The following SNAPC5 variants were observed in gnomAD, a reference collection of about 807,000 sequenced individuals.
SNAPC5 encodes the protein small nuclear RNA activating complex polypeptide 5.
SNAPC5 carries 12 observed loss-of-function variants against 9.1 expected under a neutral mutation model. That is an observed-to-expected ratio of 1.32 (90% confidence interval 0.85 to 2.15). The LOEUF is 2.15. Ranked by LOEUF, SNAPC5 falls within the 30% of genes most tolerant of loss-of-function variation. The pLI, the probability that SNAPC5 is intolerant of heterozygous loss-of-function variation, is 0.00. For synonymous variants in SNAPC5, 52 were observed against 47.3 expected, an observed-to-expected ratio of 1.10 and a Z score of -0.41; for missense variants, 132 against 114.4, an observed-to-expected ratio of 1.15 and a Z score of -0.70.
downstream of SNAPC5, chr15:66,490,560 G>A: frequency 6.2e-7 from 1 of 1,614,196 alleles, no homozygotes; most frequent in Non-Finnish European, 8.5e-7. Context: ...GGTTGGCTCT[G>A]CTCCACCATC....
Position 66,495,325 on chromosome 15 carries a change from C to A in SNAPC5, c.180+5G>T. ...TCTCCTAGGCCTGCACTTGATTAAG[C>A]TTACATCATGTGACTGTTCAGGTAC... On this transcript the variant is annotated splice_donor_5th_base_variant and intron_variant, in intron 2 of 2. Transcript: ENST00000316634. 1 of 1,542,182 alleles carries A rather than the reference C, an allele frequency of 6.5e-7. No homozygotes were observed. The highest frequency in any genetic ancestry group is 9.0e-7 in the Non-Finnish European group (1 of 1,114,140).
Position 66,494,395 on chromosome 15 carries a change from A to G in SNAPC5, c.*41T>C, listed in dbSNP as rs1426722686. The G allele has an allele frequency of 2.9e-6, 4 of 1,361,338 alleles. No homozygotes were observed. Among genetic ancestry groups the G allele is most frequent in the South Asian group, 1.2e-5 (1 of 85,670 alleles). The allele number at this position is 1,361,338 out of a possible 1,614,324, so 84.3% of individuals were successfully genotyped here. ...AGGAGAAGTAGCCTGAGCCTTAGAA[A>G]TGCAATTTGTATAACTGACCAGCCT... On this transcript the variant is annotated 3_prime_UTR_variant, in exon 3 of 3. Transcript: ENST00000316634.
downstream of SNAPC5, chr15:66,489,796 C>G: frequency 6.4e-7 from 1 of 1,564,612 alleles, no homozygotes; most frequent in Non-Finnish European, 8.8e-7. Context: ...CTTACAGTAC[C>G]TGTTTATTCA....
At chr15:66,491,795 G>C (rs1038734173), downstream of SNAPC5, 1 of 372,646 alleles carries the variant, frequency 2.7e-6, no homozygotes, top group Admixed American at 3.4e-5. Flanking sequence ...CCTGTGAATA[G>C]ATCCTGTATA....
chr15:66,495,016 A>T (rs991530228), intron 2 of SNAPC5: 4 of 392,630 alleles, frequency 1.0e-5, no homozygotes, highest in Middle Eastern at 7.4e-4. Flanking sequence ...TTCACAAAAA[A>T]TCAAGAGTTT....
Position 66,497,711 on chromosome 15 carries a change from TTCCTGAAGC to T in SNAPC5, c.12_20del (p.Gln6_Leu8del). 6.2e-7 allele frequency: 1 copy of T among 1,613,394 alleles called. No individual in the cohort carries two copies. The highest frequency in any genetic ancestry group is 1.1e-5 in the South Asian group (1 of 91,042). On this transcript the variant is annotated inframe_deletion, in exon 1 of 3. Transcript: ENST00000316634. ...GCAGCGTCTCCTCCTCCTTGCGCAGTTCCTGAAGCCGGCTCAGCATGTTGCCTGGTCACA... is the reference window on the plus strand; with the variant it reads ...GCAGCGTCTCCTCCTCCTTGCGCAGTCGGCTCAGCATGTTGCCTGGTCACA...
chr15:66,494,270 G>A lies in SNAPC5; in HGVS notation c.*166C>T. On this transcript the variant is annotated 3_prime_UTR_variant, in exon 3 of 3. Coordinates refer to ENST00000316634, the MANE Select transcript of SNAPC5 (RefSeq NM_001329615.2). ...TGTATGTCATAACATTCTGAAGCTT[G>A]AGTTACCGATGGAGCCATTTTTGCA... 1.6e-6 allele frequency: 1 copy of A among 641,078 alleles called. No individual in the cohort carries two copies. Among genetic ancestry groups the A allele is most frequent in the Non-Finnish European group, 2.8e-6 (1 of 356,880 alleles). 39.7% of individuals were successfully genotyped at this position (641,078 alleles called of 1,614,324 possible).
chr15:66,495,465 AC>A, intron 1 of SNAPC5, 46 bp from the exon 2 acceptor site: 1 of 1,052,106 alleles, frequency 9.5e-7, no homozygotes, highest in Non-Finnish European at 1.5e-6. Flanking sequence ...ATTTCACTGG[AC>A]TACTGATGTG....
downstream of SNAPC5, chr15:66,493,327 ACT>A (rs1384826516): frequency 6.6e-6 from 1 of 151,774 alleles, no homozygotes; most frequent in East Asian, 1.9e-4. Context: ...CTAAGTAAAA[ACT>A]CTTATTCTGT....
rs1340508624 is a variant in SNAPC5 at position 66,493,474 on chromosome 15, G to GA, written c.*961dup. On this transcript the variant is annotated 3_prime_UTR_variant, in exon 3 of 3. Coordinates refer to ENST00000316634, the MANE Select transcript of SNAPC5 (RefSeq NM_001329615.2). ...GTTCGAGAGCAGCCTGACCAACATG[G>GA]AAAAATCCCATCTTTACTAAAAATA... The GA allele has an allele frequency of 6.6e-6, 1 of 152,068 alleles. No individual in the cohort carries two copies. Among genetic ancestry groups the GA allele is most frequent in the Non-Finnish European group, 1.5e-5 (1 of 68,026 alleles). The allele number at this position is 152,068 out of a possible 1,614,324, so 9.4% of individuals were successfully genotyped here.
At chr15:66,491,157 C>G (rs747416216), downstream of SNAPC5, 2 of 281,268 alleles carry the variant, frequency 7.1e-6, no homozygotes, top group Non-Finnish European at 1.4e-5. Context: ...TAGAACTCAG[C>G]AGTTGACATC....
intron 1 of SNAPC5, 196 bp downstream of exon 1, chr15:66,497,446 G>T: frequency 1.6e-6 from 1 of 619,032 alleles, no homozygotes; most frequent in African/African-American, 1.8e-5. Context: ...CTGAAAGATA[G>T]GGCCTAAGAA....
intron 2 of SNAPC5, chr15:66,494,990 ATC>A (rs2140699515): frequency 2.7e-6 from 1 of 364,742 alleles, no homozygotes; most frequent in East Asian, 5.8e-5. Context: ...ACACTCTTGA[ATC>A]TCAAGGTTAC....
At chr15:66,497,557 A>T (rs778864874) in intron 1 of SNAPC5, 85 bp downstream of exon 1, 160 of 1,163,684 alleles carry the variant, frequency 1.4e-4, no homozygotes, top group Non-Finnish European at 2.1e-4. Flanking sequence ...TGGCCGCAGC[A>T]GGTGGTCACC....
chr15:66,495,296 A>G, intron 2 of SNAPC5, 34 bp downstream of exon 2: 33 of 1,215,040 alleles, frequency 2.7e-5, no homozygotes, highest in Non-Finnish European at 4.0e-5. Flanking sequence ...CAGACTTTGC[A>G]TTCTCTCCTA....
chr15:66,497,357 T>C, intron 1 of SNAPC5: 1 of 549,380 alleles, frequency 1.8e-6, no homozygotes, highest in South Asian at 2.4e-5. Context: ...CGATGAACAT[T>C]TACAGGAAGC....
downstream of SNAPC5, chr15:66,490,086 CT>C: frequency 1.9e-6 from 1 of 536,964 alleles, no homozygotes; most frequent in Non-Finnish European, 3.3e-6. Context: ...ATTCAGCCTC[CT>C]TCCAGAGTCA....
chr15:66,495,350 C>A lies in SNAPC5; in HGVS notation c.160G>T (p.Val54Leu), dbSNP rs775846694. 1.1e-5 allele frequency: 17 copies of A among 1,597,428 alleles called. No individual in the cohort carries two copies. The highest frequency in any genetic ancestry group is 3.3e-5 in the Admixed American group (2 of 59,980). Residue 54 changes from valine to leucine, a missense_variant, in exon 2 of 3, where the codon GTA becomes TTA. Transcript: ENST00000316634. The part of the protein sequence containing the change: ...RGDEMLSSHT[V>L]PEQSHDMLVH... ...CTTACATCATGTGACTGTTCAGGTA[C>A]AGTGTGAGAAGACAGCATCTCATCC... is the stretch of plus-strand genomic sequence containing the variant.
downstream of SNAPC5, chr15:66,491,516 A>G (rs767501618): frequency 1.0e-5 from 2 of 197,136 alleles, no homozygotes; most frequent in Non-Finnish European, 2.1e-5. Context: ...TAAATATACT[A>G]TGAAATAAAA....
Sources: allele counts gnomAD v4.1 joint callset, GRCh38; gene constraint gnomAD v4.1.1; transcripts MANE v1.5; gene names NCBI Gene and HGNC (gene_info 2026-07-23, HGNC 2026-07-21).